The following CYFIP1 variants were observed in gnomAD, a reference collection of about 807,000 sequenced individuals.
The protein encoded by CYFIP1 is cytoplasmic FMR1-interacting protein 1.
Under a neutral mutation model 163.5 loss-of-function variants are expected in CYFIP1, and 58 were observed. The ratio of observed to expected loss-of-function variants is 0.35; its 90% CI spans 0.29 to 0.44. The LOEUF (loss-of-function observed/expected upper bound fraction) is 0.44, where lower values mean the gene tolerates loss of function less well. Ranked by LOEUF, CYFIP1 falls within the 20% of genes least tolerant of loss-of-function variation. The pLI, the probability that CYFIP1 is intolerant of heterozygous loss-of-function variation, is 1.00. For synonymous variants in CYFIP1, 663 were observed against 660.7 expected (o/e 1.00, Z -0.05); for missense variants, 1,338 against 1,653.8 (o/e 0.81, Z 3.31).
chr15:22,960,065 C>A (rs1317251578), intron 1 of CYFIP1, among the ~76,000 whole-genome samples: 1 of 152,200 alleles, frequency 6.6e-6, no homozygotes, highest in Non-Finnish European at 1.5e-5. Context: ...GAGCTGCAGG[C>A]TCCCCTACTG....
chr15:22,947,337 G>A (rs1260105087), intron 1 of CYFIP1, 46 bp from the exon 2 acceptor site: 1 of 1,593,134 alleles, frequency 6.3e-7, no homozygotes, highest in African/African-American at 1.3e-5. Flanking sequence ...AGAAGGAGGG[G>A]ACACCCAACA....
At chr15:22,871,144 A>T (rs1595478613) in intron 30 of CYFIP1, among the ~76,000 whole-genome samples, 1 of 152,216 alleles carries the variant, frequency 6.6e-6, no homozygotes, top group Non-Finnish European at 1.5e-5. Flanking sequence ...GGGCAGATAC[A>T]AATGCACATC....
chr15:22,885,442 C>G (rs1463078939), intron 23 of CYFIP1, among the ~76,000 whole-genome samples: 3 of 152,132 alleles, frequency 2.0e-5, no homozygotes, highest in African/African-American at 7.2e-5. Flanking sequence ...TGGTCAAAAC[C>G]ATTCAACAGG....
At chr15:22,960,484 G>T (rs576854761) in intron 1 of CYFIP1, among the ~76,000 whole-genome samples, 1 of 152,206 alleles carries the variant, frequency 6.6e-6, no homozygotes, top group East Asian at 1.9e-4. Flanking sequence ...GGGACCTAAC[G>T]GGGAGCTTCT....
intron 22 of CYFIP1, among the ~76,000 whole-genome samples, chr15:22,893,428 A>T (rs2060136748): frequency 6.6e-6 from 1 of 152,194 alleles, no homozygotes; most frequent in Admixed American, 6.5e-5. Flanking sequence ...GTGTCTTGAT[A>T]ATGGATTAGG....
At chr15:22,907,819 C>A (rs1164603875) in intron 21 of CYFIP1, among the ~76,000 whole-genome samples, 1 of 152,184 alleles carries the variant, frequency 6.6e-6, no homozygotes, top group Non-Finnish European at 1.5e-5. Context: ...TGGCTCCGGC[C>A]CTGGCTCCAG....
chr15:22,967,169 C>T (rs1185440070), intron 1 of CYFIP1, among the ~76,000 whole-genome samples: 3 of 152,202 alleles, frequency 2.0e-5, no homozygotes, highest in Non-Finnish European at 4.4e-5. Flanking sequence ...GGAGGCAGTG[C>T]TCTCCTATCG....
chr15:22,911,974 G>A (rs960449575), intron 18 of CYFIP1, among the ~76,000 whole-genome samples: 6 of 152,148 alleles, frequency 3.9e-5, no homozygotes, highest in East Asian at 1.9e-4. Flanking sequence ...CACAGACACC[G>A]CAGTGACACA....
intron 16 of CYFIP1, 111 bp downstream of exon 16, chr15:22,916,366 G>T: frequency 1.3e-6 from 1 of 798,346 alleles, no homozygotes; most frequent in Non-Finnish European, 2.0e-6. Flanking sequence ...GTCACCGTCT[G>T]GGTGCACCAA....
chr15:22,884,210 AACTC>A (rs2059869222), intron 23 of CYFIP1, among the ~76,000 whole-genome samples: 2 of 152,162 alleles, frequency 1.3e-5, no homozygotes, highest in African/African-American at 4.8e-5. Context: ...CCAAAGTCTT[AACTC>A]ATTCCAGCAT....
At chr15:22,884,998 TA>T (rs2059892365) in intron 23 of CYFIP1, among the ~76,000 whole-genome samples, 2 of 150,652 alleles carry the variant, frequency 1.3e-5, no homozygotes, top group African/African-American at 4.9e-5. Flanking sequence ...GGGGGAACCA[TA>T]GGGGCAGGGC....
intron 20 of CYFIP1, 40 bp downstream of exon 20, chr15:22,910,480 G>A: frequency 5.2e-6 from 8 of 1,543,392 alleles, no homozygotes; most frequent in Non-Finnish European, 7.2e-6. Context: ...TCTTTTCAAT[G>A]CACACTCTAC....
At chr15:22,942,670 G>A (rs892519938) in intron 6 of CYFIP1, among the ~76,000 whole-genome samples, 5 of 152,304 alleles carry the variant, frequency 3.3e-5, no homozygotes, top group Middle Eastern at 3.4e-3. Flanking sequence ...ATCTGGAAGC[G>A]CAGTGTGACC....
At chr15:22,937,628 TGG>T (rs1343870768) in intron 8 of CYFIP1, among the ~76,000 whole-genome samples, 1 of 148,496 alleles carries the variant, frequency 6.7e-6, no homozygotes, top group Non-Finnish European at 1.5e-5. Context: ...AGATGGAGTC[TGG>T]CTCTGTCACC....
At chr15:22,964,079 ACAAT>A (rs977949372) in intron 1 of CYFIP1, among the ~76,000 whole-genome samples, 49 of 152,010 alleles carry the variant, frequency 3.2e-4, no homozygotes, top group African/African-American at 1.1e-3. Flanking sequence ...TTTACTGCAT[ACAAT>A]CAGAGGTTTA....
intron 3 of CYFIP1, 91 bp downstream of exon 3, chr15:22,946,912 T>C: frequency 9.5e-7 from 1 of 1,054,478 alleles, no homozygotes; most frequent in Non-Finnish European, 1.5e-6. Flanking sequence ...CCTCACTGCA[T>C]AGTCTATTGG....
At chr15:22,953,258 A>C (rs2062320568) in intron 1 of CYFIP1, among the ~76,000 whole-genome samples, 1 of 151,674 alleles carries the variant, frequency 6.6e-6, no homozygotes, top group African/African-American at 2.4e-5. Flanking sequence ...GGCGGTGTCC[A>C]CTCCACACAG....
intron 1 of CYFIP1, among the ~76,000 whole-genome samples, chr15:22,948,300 C>G (rs774918921): frequency 2.0e-5 from 3 of 151,642 alleles, no homozygotes. Context: ...TGGATCTGAT[C>G]CTCTTCACAC....
intron 1 of CYFIP1, 146 bp from the exon 2 acceptor site, chr15:22,947,437 G>C: frequency 8.7e-7 from 1 of 1,146,242 alleles, no homozygotes. Context: ...TCAGTCCTTG[G>C]GAGTTGCGTG....
Sources: allele counts gnomAD v4.1 joint callset (sites outside exome capture counted in the v4.1 genomes callset), GRCh38; gene constraint gnomAD v4.1.1; transcripts MANE v1.5; gene names NCBI Gene and HGNC (gene_info 2026-07-23, HGNC 2026-07-21).